Variants in CSMD1 observed in about 807,000 individuals in gnomAD.
The protein encoded by CSMD1 is CUB and sushi domain-containing protein 1.
In CSMD1, 213 loss-of-function variants were observed where a neutral mutation model predicts 417.5. That is an observed-to-expected ratio of 0.51 (90% CI 0.46 to 0.57). CSMD1 has a LOEUF of 0.57. Ranked by LOEUF, CSMD1 falls within the 20% of genes least tolerant of loss-of-function variation. The pLI is 0.00. For missense variants in CSMD1, 6,923 were observed against 4,529.7 expected, an observed-to-expected ratio of 1.53 and a Z score of -15.17; for synonymous variants, 2,862 against 1,736.8, an observed-to-expected ratio of 1.65 and a Z score of -16.11.
intron 5 of CSMD1, among the ~76,000 whole-genome samples, chr8:3,971,033 G>A (rs762554759): frequency 5.9e-5 from 9 of 152,164 alleles, no homozygotes; most frequent in Non-Finnish European, 1.2e-4. Flanking sequence ...TTTTAGGCAT[G>A]AGTCACCGCG....
chr8:3,021,560 G>A lies in CSMD1; in HGVS notation c.7856-2910C>T, dbSNP rs117661665. On this transcript the variant is annotated intron_variant, in intron 51 of 69. Coordinates refer to ENST00000635120, the MANE Select transcript of CSMD1 (RefSeq NM_033225.6). ...AAAAGTGTGTCCACGCTCACAGTCC[G>A]CAGTGCTTCCTCTGAACTCTGGGAG... Among the ~76,000 whole-genome samples, 146 of 152,266 alleles carry A rather than the reference G, an allele frequency of 9.6e-4. 3 individuals carry two copies. In the East Asian group the frequency reaches 0.026, roughly 27 times the overall value.
intron 5 of CSMD1, among the ~76,000 whole-genome samples, chr8:3,994,492 C>G (rs1453220552): frequency 6.9e-6 from 1 of 145,572 alleles, no homozygotes; most frequent in African/African-American, 2.5e-5. Flanking sequence ...CTCACCACTA[C>G]ACAAATCCTT....
At chr8:3,135,290 C>A (rs1818012020) in intron 41 of CSMD1, among the ~76,000 whole-genome samples, 1 of 152,206 alleles carries the variant, frequency 6.6e-6, no homozygotes, top group Non-Finnish European at 1.5e-5. Flanking sequence ...TAATAAAAAT[C>A]TCTTGCATAC....
intron 2 of CSMD1, among the ~76,000 whole-genome samples, chr8:4,582,873 C>T (rs1799489233): frequency 6.6e-6 from 1 of 152,224 alleles, no homozygotes; most frequent in African/African-American, 2.4e-5. Context: ...CACTTGCGGG[C>T]CAGCTGGAGT....
chr8:4,336,913 A>G (rs1228644925), intron 3 of CSMD1, among the ~76,000 whole-genome samples: 2 of 152,116 alleles, frequency 1.3e-5, no homozygotes, highest in Non-Finnish European at 2.9e-5. Flanking sequence ...TCCATAATAA[A>G]TAATAACAAT....
chr8:3,306,960 ATTTGCAATGATTTTCTTT>A (rs1804906730), intron 25 of CSMD1, among the ~76,000 whole-genome samples: 1 of 152,138 alleles, frequency 6.6e-6, no homozygotes, highest in African/African-American at 2.4e-5. Flanking sequence ...ATTTTCTGAA[ATTTGCAATGATTTTCTTT>A]TATATGTGTT....
rs948389379 is a variant in CSMD1, at chr8:3,029,092, T to A, written c.7855+227A>T. Among the ~76,000 whole-genome samples the A allele has an allele frequency of 2.6e-5, 4 of 152,192 alleles. No homozygotes were observed. The East Asian group carries it at 7.7e-4, about 29-fold the overall frequency. On this transcript the variant is annotated intron_variant, in intron 51 of 69. Transcript: ENST00000635120. ...AATACAGTTGGAGAAATACAATTAT[T>A]AACAAGGAAAAGACAACATCAAATG...
At chr8:4,027,413 T>A (rs1400589666) in intron 4 of CSMD1, among the ~76,000 whole-genome samples, 1 of 152,048 alleles carries the variant, frequency 6.6e-6, no homozygotes, top group Non-Finnish European at 1.5e-5. Flanking sequence ...AGGCACATTG[T>A]GGGAGGTGAT....
At chr8:3,722,352 T>C (rs892951077) in intron 6 of CSMD1, among the ~76,000 whole-genome samples, 2 of 152,078 alleles carry the variant, frequency 1.3e-5, no homozygotes, top group African/African-American at 4.8e-5. Context: ...TTTCATAAAA[T>C]CTAAGACGAA....
At chr8:4,696,767 A>G (rs751199425) in intron 1 of CSMD1, among the ~76,000 whole-genome samples, 4 of 152,226 alleles carry the variant, frequency 2.6e-5, no homozygotes, top group Non-Finnish European at 5.9e-5. Flanking sequence ...GTGTCCAATG[A>G]CTGAAGGACT....
intron 7 of CSMD1, among the ~76,000 whole-genome samples, chr8:3,669,071 C>T (rs1777635021): frequency 6.6e-6 from 1 of 152,060 alleles, no homozygotes; most frequent in Non-Finnish European, 1.5e-5. Context: ...AGGAACGACC[C>T]CACTAGAAAT....
At chr8:3,658,466 G>GTATATA (rs60906631) in intron 7 of CSMD1, among the ~76,000 whole-genome samples, 12 of 145,690 alleles carry the variant, frequency 8.2e-5, no homozygotes, top group African/African-American at 1.2e-4. Flanking sequence ...TATATATTGT[G>GTATATA]TATATATATA....
At chr8:2,965,677 C>T in intron 59 of CSMD1, 98 bp downstream of exon 59, 1 of 1,025,680 alleles carries the variant, frequency 9.7e-7, no homozygotes, top group Non-Finnish European at 1.4e-6. Context: ...TTCCTAGCCC[C>T]TAGAAGGGCT....
At chr8:3,528,365 G>C (rs1016665399) in intron 10 of CSMD1, among the ~76,000 whole-genome samples, 2 of 152,180 alleles carry the variant, frequency 1.3e-5, no homozygotes, top group Admixed American at 6.5e-5. Context: ...AGGCACAAGA[G>C]AATACAAATA....
At chr8:4,610,616 G>A (rs1801118242) in intron 2 of CSMD1, among the ~76,000 whole-genome samples, 3 of 152,108 alleles carry the variant, frequency 2.0e-5, no homozygotes, top group East Asian at 1.9e-4. Flanking sequence ...TGAGTTACAT[G>A]TCAGTACACT....
At chr8:4,316,106 T>C (rs1316900348) in intron 3 of CSMD1, among the ~76,000 whole-genome samples, 1 of 152,146 alleles carries the variant, frequency 6.6e-6, no homozygotes, top group Non-Finnish European at 1.5e-5. Context: ...AACCACTCAT[T>C]ATTGTTAACC....
At chr8:4,036,171 T>A (rs1797607027) in intron 3 of CSMD1, among the ~76,000 whole-genome samples, 1 of 152,180 alleles carries the variant, frequency 6.6e-6, no homozygotes, top group Non-Finnish European at 1.5e-5. Flanking sequence ...TTTGTGTAAG[T>A]GTGCTCTGTG....
intron 4 of CSMD1, among the ~76,000 whole-genome samples, chr8:4,031,334 T>C (rs777326489): frequency 3.3e-5 from 5 of 152,170 alleles, no homozygotes; most frequent in South Asian, 2.1e-4. Context: ...CTCACAATCA[T>C]AGCAGAAGGC....
At chr8:3,294,696 G>T (rs1355453822) in intron 25 of CSMD1, among the ~76,000 whole-genome samples, 1 of 152,118 alleles carries the variant, frequency 6.6e-6, no homozygotes, top group Admixed American at 6.5e-5. Context: ...GGGTGGGAGT[G>T]ACCCGATTTT....
Sources: allele counts gnomAD v4.1 joint callset (sites outside exome capture counted in the v4.1 genomes callset), GRCh38; gene constraint gnomAD v4.1.1; transcripts MANE v1.5; gene names NCBI Gene and HGNC (gene_info 2026-07-23, HGNC 2026-07-21).